Variants in TNNI3K observed in about 807,000 individuals in gnomAD.
TNNI3K encodes TNNI3 interacting kinase.
Under a neutral mutation model 114.5 loss-of-function variants are expected in TNNI3K, and 140 were observed. That is an observed-to-expected ratio of 1.22 (90% confidence interval 1.07 to 1.41). The LOEUF is 1.41. Ranked by LOEUF, TNNI3K falls within the 40% of genes most tolerant of loss-of-function variation. TNNI3K has a pLI of 0.00. For missense variants in TNNI3K, 1,125 were observed against 1,007.6 expected (o/e 1.12, Z -1.58); for synonymous variants, 347 against 347.5 (o/e 1.00, Z 0.02).
At position 74,466,894 on chromosome 1, in the gene TNNI3K, G is replaced by C. The variant is rs574575177; in HGVS notation, c.2121+3344G>C. Among the ~76,000 whole-genome samples the C allele has an allele frequency of 2.6e-4, 39 of 152,272 alleles. No individual in the cohort carries two copies. The South Asian group carries it at 7.7e-3, about 30-fold the overall frequency. The stretch of plus-strand genomic sequence containing the variant: ...CAATAGAGATGTAAACTCTTAAATG[G>C]AGTTTAAGACCTGCTAGTTATATGG... On this transcript the variant is annotated intron_variant, in intron 21 of 24. Transcript: ENST00000326637.
chr1:74,334,497 C>T (rs78211006), intron 6 of TNNI3K, among the ~76,000 whole-genome samples: 1 of 152,160 alleles, frequency 6.6e-6, no homozygotes, highest in Non-Finnish European at 1.5e-5. Context: ...CTAACTTAAC[C>T]TTAGTATCAC....
intron 21 of TNNI3K, among the ~76,000 whole-genome samples, chr1:74,477,104 G>T (rs1442973156): frequency 6.6e-6 from 1 of 152,018 alleles, no homozygotes; most frequent in Admixed American, 6.6e-5. Flanking sequence ...TCCTTTTATT[G>T]ACAGATAGAT....
intron 17 of TNNI3K, chr1:74,416,185 G>A (rs1221700791): frequency 1.8e-6 from 1 of 542,252 alleles, no homozygotes. Flanking sequence ...TTCTTGCTTT[G>A]GCATGAAGCA....
chr1:74,257,232 G>A (rs1184823573), intron 4 of TNNI3K, among the ~76,000 whole-genome samples: 1 of 152,004 alleles, frequency 6.6e-6, no homozygotes, highest in Admixed American at 6.6e-5. Flanking sequence ...TATTTATTAA[G>A]ATTAATTAAG....
chr1:74,482,999 G>A (rs867105695), intron 21 of TNNI3K, among the ~76,000 whole-genome samples: 1 of 152,200 alleles, frequency 6.6e-6, no homozygotes, highest in Non-Finnish European at 1.5e-5. Flanking sequence ...TTTGTTAAGT[G>A]TGTAGCTGGA....
chr1:74,516,036 G>T (rs1274917358), intron 23 of TNNI3K, among the ~76,000 whole-genome samples: 3 of 152,174 alleles, frequency 2.0e-5, no homozygotes, highest in Admixed American at 2.0e-4. Flanking sequence ...AGAGGGGAAG[G>T]AAAGGACAAT....
At chr1:74,245,946 T>C (rs1435840579) in intron 2 of TNNI3K, among the ~76,000 whole-genome samples, 1 of 152,184 alleles carries the variant, frequency 6.6e-6, no homozygotes, top group Non-Finnish European at 1.5e-5. Flanking sequence ...GGAAAGCCTT[T>C]TGTGGAAGTA....
At chr1:74,267,664 ATTATC>A (rs1429100818) in intron 4 of TNNI3K, among the ~76,000 whole-genome samples, 2 of 151,942 alleles carry the variant, frequency 1.3e-5, no homozygotes, top group Non-Finnish European at 2.9e-5. Flanking sequence ...CTTTATGTTT[ATTATC>A]TTTAGCATAG....
At chr1:74,446,376 T>C (rs1374288708) in intron 20 of TNNI3K, among the ~76,000 whole-genome samples, 92 of 150,026 alleles carry the variant, frequency 6.1e-4, no homozygotes, top group Admixed American at 1.3e-3. Context: ...CGCCCACTTT[T>C]TGATGGGGTT....
chr1:74,322,406 T>C (rs1489924205), intron 5 of TNNI3K, among the ~76,000 whole-genome samples: 1 of 152,078 alleles, frequency 6.6e-6, no homozygotes, highest in Non-Finnish European at 1.5e-5. Flanking sequence ...GACCATTTCT[T>C]CTCATCTTTA....
At chr1:74,364,158 C>T (rs903729929) in intron 11 of TNNI3K, among the ~76,000 whole-genome samples, 1 of 150,852 alleles carries the variant, frequency 6.6e-6, no homozygotes, top group African/African-American at 2.5e-5. Context: ...TGCTACCATG[C>T]CCCACTAATT....
At chr1:74,311,834 T>G (rs1051661264) in intron 5 of TNNI3K, among the ~76,000 whole-genome samples, 1 of 152,260 alleles carries the variant, frequency 6.6e-6, no homozygotes, top group Non-Finnish European at 1.5e-5. Flanking sequence ...AAGATTATTA[T>G]AATGTATATT....
At chr1:74,481,304 A>G (rs1485729203) in intron 21 of TNNI3K, among the ~76,000 whole-genome samples, 1 of 152,172 alleles carries the variant, frequency 6.6e-6, no homozygotes, top group African/African-American at 2.4e-5. Flanking sequence ...CCTCCCTCCG[A>G]GGCTATGTAC....
In TNNI3K at chr1:74,424,672, G is replaced by T. The variant is rs375571137; in HGVS notation, c.1773-11408G>T. Among the ~76,000 whole-genome samples the T allele has an allele frequency of 8.5e-5, 12 of 140,766 alleles. No homozygotes were observed. The East Asian group carries it at 2.4e-3, about 28-fold the overall frequency. The allele number at this position is 140,766 out of a possible 152,430, so 92.3% of individuals were successfully genotyped here. On this transcript the variant is annotated intron_variant, in intron 17 of 24. Transcript: ENST00000326637. Reference sequence around the variant, plus strand: ...AGGCGGAGGCTGCAATGAGTTGAGAGATCTTGCCACTGCACTCCAGCCTGG... The same window carrying T: ...AGGCGGAGGCTGCAATGAGTTGAGATATCTTGCCACTGCACTCCAGCCTGG...
chr1:74,296,889 T>A (rs1444404300), intron 5 of TNNI3K, among the ~76,000 whole-genome samples: 1 of 152,188 alleles, frequency 6.6e-6, no homozygotes, highest in Non-Finnish European at 1.5e-5. Flanking sequence ...TACCATGATA[T>A]TCCCAGTGAT....
At chr1:74,436,556 A>T (rs1472197253) in intron 19 of TNNI3K, 30 bp downstream of exon 19, 1 of 1,574,034 alleles carries the variant, frequency 6.4e-7, no homozygotes, top group Admixed American at 2.1e-5. Context: ...TCCTATAATT[A>T]TAAACCAATT....
intron 5 of TNNI3K, among the ~76,000 whole-genome samples, chr1:74,300,156 C>A (rs1405573043): frequency 6.6e-6 from 1 of 152,134 alleles, no homozygotes; most frequent in Non-Finnish European, 1.5e-5. Flanking sequence ...CTAAGCAACA[C>A]ACTGGACATT....
chr1:74,271,347 T>C (rs1313765345), intron 4 of TNNI3K, among the ~76,000 whole-genome samples: 1 of 151,936 alleles, frequency 6.6e-6, no homozygotes, highest in Non-Finnish European at 1.5e-5. Context: ...CCATAGGTAA[T>C]GTCCTTTCTG....
chr1:74,444,073 G>A (rs149229123), intron 20 of TNNI3K, among the ~76,000 whole-genome samples: 10,765 of 152,190 alleles, frequency 0.071, 468 homozygotes, highest in African/African-American at 0.11. Context: ...GGCAAAAGCT[G>A]GAAGCATTCC....
Sources: allele counts gnomAD v4.1 joint callset (sites outside exome capture counted in the v4.1 genomes callset), GRCh38; gene constraint gnomAD v4.1.1; transcripts MANE v1.5; gene names NCBI Gene and HGNC (gene_info 2026-07-23, HGNC 2026-07-21).